The following BMPR1B variants were observed in gnomAD, a reference collection of about 807,000 sequenced individuals.
BMPR1B encodes the protein bone morphogenetic protein receptor type-1B.
A neutral mutation model predicts 59.1 loss-of-function variants in BMPR1B; 12 were observed. The observed-to-expected ratio is 0.20, with a 90% CI of 0.13 to 0.33. The LOEUF (loss-of-function observed/expected upper bound fraction) is 0.33, where lower values mean the gene tolerates loss of function less well. BMPR1B is among the 10% of genes least tolerant of loss of function. The probability of loss-of-function intolerance (pLI) is 1.00; values close to 1 mark genes in which losing one functional copy is unlikely to be tolerated. For synonymous variants in BMPR1B, 237 were observed against 207.3 expected, an observed-to-expected ratio of 1.14 and a Z score of -1.23; for missense variants, 550 against 610.9, an observed-to-expected ratio of 0.90 and a Z score of 1.05.
rs1191462196 is a variant in BMPR1B at position 95,026,110 on chromosome 4, CTTT to C, written c.-18+29977_-18+29979del. 3.5e-3 allele frequency among the ~76,000 whole-genome samples: 490 copies of C among 139,388 alleles called. 3 individuals are homozygous for C. Among genetic ancestry groups the C allele is most frequent in the African/African-American group, 0.012 (426 of 36,298 alleles). The allele number at this position is 139,388 out of a possible 152,430, so 91.4% of individuals were successfully genotyped here. On this transcript the variant is annotated intron_variant, in intron 3 of 12. Coordinates refer to ENST00000515059, the MANE Select transcript of BMPR1B (RefSeq NM_001203.3). ...ATTGCTTTCTTTCATTTCTTTCTTT[CTTT>C]CTTTCTTTCTTTCTTTCTTTCTTTC...
intron 2 of BMPR1B, among the ~76,000 whole-genome samples, chr4:94,892,249 G>A (rs1727429439): frequency 6.6e-6 from 1 of 152,032 alleles, no homozygotes; most frequent in Non-Finnish European, 1.5e-5. Context: ...AGGGTGGTTG[G>A]TCTGGGAACC....
chr4:95,126,545 A>G lies in BMPR1B; in HGVS notation c.585+1424A>G, dbSNP rs1017290998. Among the ~76,000 whole-genome samples the G allele has an allele frequency of 3.9e-5, 6 of 152,328 alleles. No individual in the cohort carries two copies. In the South Asian group the frequency reaches 1.0e-3, roughly 26 times the overall value. On this transcript the variant is annotated intron_variant, in intron 8 of 12. Coordinates refer to ENST00000515059, the MANE Select transcript of BMPR1B (RefSeq NM_001203.3). ...ATATCAGTATAACCCTGTATTACACATCAGGGGATACAGGCCCAGATAGGT... is the reference window on the plus strand; with the variant it reads ...ATATCAGTATAACCCTGTATTACACGTCAGGGGATACAGGCCCAGATAGGT...
chr4:94,930,255 A>G (rs1729048707), intron 2 of BMPR1B, among the ~76,000 whole-genome samples: 1 of 152,116 alleles, frequency 6.6e-6, no homozygotes, highest in Admixed American at 6.6e-5. Flanking sequence ...ATAACATATG[A>G]GACCCTTGAA....
intron 1 of BMPR1B, among the ~76,000 whole-genome samples, chr4:94,808,831 C>T (rs1235069911): frequency 2.6e-5 from 4 of 152,056 alleles, no homozygotes; most frequent in East Asian, 3.9e-4. Context: ...CCAAGGCGGG[C>T]GGATCACAAA....
chr4:95,075,950 A>G (rs542870759), intron 3 of BMPR1B, among the ~76,000 whole-genome samples: 1 of 152,228 alleles, frequency 6.6e-6, no homozygotes, highest in Non-Finnish European at 1.5e-5. Flanking sequence ...TGTCTAGTGC[A>G]AAGAGAGAAA....
At chr4:94,921,479 T>TGTG (rs1728684120) in intron 2 of BMPR1B, among the ~76,000 whole-genome samples, 1 of 152,030 alleles carries the variant, frequency 6.6e-6, no homozygotes, top group Non-Finnish European at 1.5e-5. Flanking sequence ...AGCTTTTATC[T>TGTG]GTGGTGGAAG....
chr4:95,130,723 C>CTTTTTTTTTTTTTT (rs148720302), intron 9 of BMPR1B, among the ~76,000 whole-genome samples: 103 of 77,852 alleles, frequency 1.3e-3, no homozygotes, highest in East Asian at 2.1e-3. Flanking sequence ...CTTTTCTTTT[C>CTTTTTTTTTTTTTT]TTTTTTTTTT....
At chr4:94,780,528 A>G (rs2110585897) in intron 1 of BMPR1B, among the ~76,000 whole-genome samples, 1 of 152,202 alleles carries the variant, frequency 6.6e-6, no homozygotes, top group South Asian at 2.1e-4. Context: ...TTTCCTGGGT[A>G]TATACCTAGG....
rs1174915665 is a variant in BMPR1B at position 95,015,882 on chromosome 4, G to A, written c.-18+19748G>A. Among the ~76,000 whole-genome samples, 6 of 152,204 alleles carry A rather than the reference G, an allele frequency of 3.9e-5. 1 individual carries two copies. In the East Asian group the frequency reaches 9.7e-4, roughly 25 times the overall value. ...TCATTTTTGTATTTTTAGTGGAGAC[G>A]GGGTTTCACCATGTTGGCCAGTATG... is the stretch of plus-strand genomic sequence containing the variant. On this transcript the variant is annotated intron_variant, in intron 3 of 12. Transcript: ENST00000515059.
chr4:95,034,961 A>G (rs1415887852), intron 3 of BMPR1B, among the ~76,000 whole-genome samples: 1 of 152,012 alleles, frequency 6.6e-6, no homozygotes, highest in African/African-American at 2.4e-5. Context: ...AAATTTTTTA[A>G]TCATGATCAT....
At chr4:94,987,067 A>G (rs1362395411) in intron 2 of BMPR1B, among the ~76,000 whole-genome samples, 1 of 146,112 alleles carries the variant, frequency 6.8e-6, no homozygotes, top group East Asian at 2.0e-4. Context: ...TATATAATAT[A>G]TAATATTTAT....
At chr4:95,113,320 G>A (rs1731766275) in intron 4 of BMPR1B, among the ~76,000 whole-genome samples, 1 of 152,134 alleles carries the variant, frequency 6.6e-6, no homozygotes, top group Non-Finnish European at 1.5e-5. Flanking sequence ...CCATTCATTA[G>A]TATGTTTGAA....
chr4:94,836,273 C>A (rs765024821), intron 1 of BMPR1B, among the ~76,000 whole-genome samples: 16,352 of 148,490 alleles, frequency 0.11, 957 homozygotes, highest in Non-Finnish European at 0.12. Flanking sequence ...GGGTATATAC[C>A]CAGTAATGGG....
intron 2 of BMPR1B, among the ~76,000 whole-genome samples, chr4:94,966,708 C>G (rs1730568693): frequency 6.6e-6 from 1 of 152,108 alleles, no homozygotes; most frequent in African/African-American, 2.4e-5. Context: ...TAAATATTCT[C>G]AAGAGAGTTT....
chr4:95,056,197 C>T (rs921781127), intron 3 of BMPR1B, among the ~76,000 whole-genome samples: 3 of 152,094 alleles, frequency 2.0e-5, no homozygotes, highest in African/African-American at 7.2e-5. Context: ...GATTATTATA[C>T]TTGTTATCTG....
At chr4:94,870,889 T>A (rs17616237) in intron 1 of BMPR1B, among the ~76,000 whole-genome samples, 6 of 152,226 alleles carry the variant, frequency 3.9e-5, no homozygotes, top group Non-Finnish European at 7.4e-5. Flanking sequence ...TAAACAATTA[T>A]GGAACTGTGG....
Position 94,840,502 on chromosome 4 carries a change from T to G in BMPR1B, c.-182-35329T>G, listed in dbSNP as rs1034619400. 3.4e-5 allele frequency among the ~76,000 whole-genome samples: 5 copies of G among 147,104 alleles called. 1 individual carries two copies. The highest frequency in any genetic ancestry group is 6.8e-5 in the Admixed American group (1 of 14,788). ...TCTCTAAACTTCCCTTCTCGCTTCA[T>G]TTCATTCATTTCACCTTCCATTGCT... On this transcript the variant is annotated intron_variant, in intron 1 of 12. Coordinates refer to ENST00000515059, the MANE Select transcript of BMPR1B (RefSeq NM_001203.3).
At chr4:94,877,824 GAAT>G (rs1726788827) in intron 2 of BMPR1B, among the ~76,000 whole-genome samples, 1 of 152,058 alleles carries the variant, frequency 6.6e-6, no homozygotes, top group South Asian at 2.1e-4. Flanking sequence ...ATTAATAATA[GAAT>G]AATTAAAACA....
chr4:94,916,722 A>G (rs1728497333), intron 2 of BMPR1B, among the ~76,000 whole-genome samples: 1 of 152,264 alleles, frequency 6.6e-6, no homozygotes, highest in Non-Finnish European at 1.5e-5. Flanking sequence ...ATTTGGAAGA[A>G]GAATTCAAGC....
Sources: gnomAD v4.1 joint callset for allele counts (sites outside exome capture counted in the v4.1 genomes callset) on GRCh38, gnomAD v4.1.1 for gene constraint, MANE v1.5 for transcripts, NCBI Gene and HGNC (gene_info 2026-07-23, HGNC 2026-07-21) for gene names.